Variants in CCDC141 observed in about 807,000 individuals in gnomAD.
CCDC141 encodes coiled-coil domain containing 141, also known as coiled-coil domain-containing protein 141.
Under a neutral mutation model 181.0 loss-of-function variants are expected in CCDC141, and 168 were observed. The ratio of observed to expected loss-of-function variants is 0.93; its 90% CI spans 0.82 to 1.05. The LOEUF is 1.05. Among genes scored for constraint, CCDC141 ranks in the 50% least tolerant of loss-of-function variants. The pLI is 0.00. For missense variants in CCDC141, 1,902 were observed against 1,788.5 expected (o/e 1.06, Z -1.14); for synonymous variants, 666 against 642.3 (o/e 1.04, Z -0.56).
At chr2:178,951,859 CATCACTTCT>C (rs1689963968) in intron 5 of CCDC141, among the ~76,000 whole-genome samples, 1 of 152,208 alleles carries the variant, frequency 6.6e-6, no homozygotes, top group Non-Finnish European at 1.5e-5. Flanking sequence ...GAGGCACACT[CATCACTTCT>C]GAGAGTGAAT....
intron 2 of CCDC141, among the ~76,000 whole-genome samples, chr2:179,034,711 T>C (rs919736469): frequency 2.8e-4 from 43 of 152,160 alleles, no homozygotes; most frequent in African/African-American, 1.0e-3. Context: ...CTTACCATCA[T>C]TGGATGTTAT....
intron 21 of CCDC141, 100 bp downstream of exon 21, chr2:178,849,949 T>C: frequency 3.0e-6 from 2 of 672,444 alleles, no homozygotes; most frequent in South Asian, 1.9e-5. Flanking sequence ...TTATGTACCC[T>C]GAGAAATTCT....
chr2:178,866,732 G>GT (rs999665171), intron 16 of CCDC141, among the ~76,000 whole-genome samples: 30 of 151,660 alleles, frequency 2.0e-4, no homozygotes, highest in Middle Eastern at 3.4e-3. Context: ...GTTTTGTTTT[G>GT]TTTTTTTGAG....
intron 2 of CCDC141, among the ~76,000 whole-genome samples, chr2:178,983,554 T>C (rs1286922727): frequency 6.9e-6 from 1 of 145,250 alleles, no homozygotes; most frequent in African/African-American, 2.5e-5. Context: ...GGCAAAGAAG[T>C]TGAAAACTTT....
chr2:178,891,638 T>A (rs891168902), intron 8 of CCDC141, among the ~76,000 whole-genome samples: 20 of 152,172 alleles, frequency 1.3e-4, no homozygotes, highest in African/African-American at 4.6e-4. Flanking sequence ...CTTGCTCAAA[T>A]TACTACGTTT....
At chr2:178,968,160 C>G (rs1690720460) in intron 4 of CCDC141, among the ~76,000 whole-genome samples, 1 of 152,160 alleles carries the variant, frequency 6.6e-6, no homozygotes, top group Non-Finnish European at 1.5e-5. Context: ...ACCCCACTGT[C>G]AATATTAGAC....
At chr2:179,046,129 T>C (rs753979534) in intron 2 of CCDC141, among the ~76,000 whole-genome samples, 4 of 152,246 alleles carry the variant, frequency 2.6e-5, no homozygotes, top group Admixed American at 2.6e-4. Context: ...ATTAAAGTAC[T>C]AAAAATGCAG....
chr2:179,033,587 A>T (rs2043058203), intron 2 of CCDC141, among the ~76,000 whole-genome samples: 1 of 152,156 alleles, frequency 6.6e-6, no homozygotes, highest in African/African-American at 2.4e-5. Flanking sequence ...TAGGGGATGG[A>T]TGGATTCTGT....
At chr2:179,028,190 A>C (rs940566934) in intron 2 of CCDC141, among the ~76,000 whole-genome samples, 1 of 152,188 alleles carries the variant, frequency 6.6e-6, no homozygotes, top group South Asian at 2.1e-4. Context: ...TCACCTAAGA[A>C]CTGGTCATCT....
intron 2 of CCDC141, among the ~76,000 whole-genome samples, chr2:178,982,774 G>A (rs535659831): frequency 5.8e-4 from 89 of 152,260 alleles, no homozygotes; most frequent in Middle Eastern, 3.4e-3. Context: ...AAAAAAAGGC[G>A]CACCACGAGA....
chr2:178,973,607 C>T lies in CCDC141; in HGVS notation c.526+1450G>A, dbSNP rs1042328597. 2.6e-5 allele frequency among the ~76,000 whole-genome samples: 4 copies of T among 152,286 alleles called. No individual in the cohort carries two copies. The South Asian group carries it at 8.3e-4, about 32-fold the overall frequency. On this transcript the variant is annotated intron_variant, in intron 4 of 23. Coordinates refer to ENST00000443758, the MANE Select transcript of CCDC141 (RefSeq NM_173648.4). ...AAGGAGCCAACAGCAGTAGCAACAA[C>T]AAAACAGCATTAAGACTACATTCCC...
At chr2:178,943,109 T>C (rs1689587825) in intron 6 of CCDC141, among the ~76,000 whole-genome samples, 1 of 152,130 alleles carries the variant, frequency 6.6e-6, no homozygotes, top group Non-Finnish European at 1.5e-5. Context: ...TTTTTGGTAT[T>C]AAAGGAAGTA....
downstream of CCDC141, among the ~76,000 whole-genome samples, chr2:178,828,727 GC>G (rs1361705161): frequency 6.6e-6 from 1 of 152,174 alleles, no homozygotes; most frequent in Non-Finnish European, 1.5e-5. Flanking sequence ...GTGTGGGTGT[GC>G]ATAATACTTA....
chr2:179,015,333 A>T (rs927665933), intron 2 of CCDC141, among the ~76,000 whole-genome samples: 1 of 142,528 alleles, frequency 7.0e-6, no homozygotes, highest in Admixed American at 7.3e-5. Context: ...TGTATCATAC[A>T]TATCTCATAT....
intron 7 of CCDC141, among the ~76,000 whole-genome samples, chr2:178,916,410 A>G (rs907089734): frequency 2.0e-5 from 3 of 152,020 alleles, no homozygotes; most frequent in African/African-American, 7.2e-5. Context: ...TGGAGGTTTT[A>G]CAATATAAAT....
the CCDC141 span, among the ~76,000 whole-genome samples, chr2:178,823,424 T>G: frequency 6.6e-6 from 1 of 152,138 alleles, no homozygotes; most frequent in Admixed American, 6.5e-5. Flanking sequence ...TATTAGCATA[T>G]AAACCATTAG....
intron 6 of CCDC141, among the ~76,000 whole-genome samples, chr2:178,941,403 A>C (rs891517177): frequency 6.6e-6 from 1 of 152,198 alleles, no homozygotes; most frequent in Admixed American, 6.5e-5. Context: ...TGAATTATCT[A>C]GTGTCTGAAA....
chr2:178,893,114 G>C (rs974771266), intron 8 of CCDC141, among the ~76,000 whole-genome samples: 4 of 152,138 alleles, frequency 2.6e-5, no homozygotes, highest in Admixed American at 1.3e-4. Context: ...AAGCATCACA[G>C]ACTGTGAAAG....
intron 4 of CCDC141, among the ~76,000 whole-genome samples, chr2:178,962,301 T>C (rs1209822194): frequency 9.9e-5 from 15 of 152,140 alleles, no homozygotes; most frequent in Admixed American, 9.8e-4. Context: ...CATCTACACT[T>C]GGGGATCAAT....
Sources: allele counts gnomAD v4.1 joint callset (sites outside exome capture counted in the v4.1 genomes callset), GRCh38; gene constraint gnomAD v4.1.1; transcripts MANE v1.5; gene names NCBI Gene and HGNC (gene_info 2026-07-23, HGNC 2026-07-21).